Variants in TOP6BL observed in about 807,000 individuals in gnomAD.
TOP6BL encodes TOP6B like initiator of meiotic double strand breaks.
chr11:66,842,801 T>C, the TOP6BL span: 2 of 1,502,054 alleles, frequency 1.3e-6, no homozygotes, highest in Non-Finnish European at 1.8e-6. Flanking sequence ...AGGGTGCTCC[T>C]AGCACAGGGC....
the TOP6BL span, among the ~76,000 whole-genome samples, chr11:66,808,100 C>G: frequency 5.3e-5 from 8 of 152,242 alleles, no homozygotes; most frequent in African/African-American, 1.9e-4. Context: ...TCCCATGGTG[C>G]ATATGCACAC....
chr11:66,776,065 C>CT, the TOP6BL span, among the ~76,000 whole-genome samples: 320 of 145,408 alleles, frequency 2.2e-3, no homozygotes, highest in African/African-American at 3.5e-3. Context: ...TATATGGCTT[C>CT]TTTTTTTTTT....
chr11:66,843,290 C>A, the TOP6BL span: 5 of 1,587,516 alleles, frequency 3.1e-6, no homozygotes, highest in Non-Finnish European at 4.3e-6. Context: ...CAGCCGTTAT[C>A]CCGTGGTTTA....
chr11:66,790,100 G>A, the TOP6BL span, among the ~76,000 whole-genome samples: 5 of 151,936 alleles, frequency 3.3e-5, no homozygotes, highest in South Asian at 2.1e-4. Context: ...GTGAAATCCC[G>A]TCTCTACAAA....
chr11:66,794,103 C>A, the TOP6BL span, among the ~76,000 whole-genome samples: 7 of 141,470 alleles, frequency 4.9e-5, no homozygotes, highest in Non-Finnish European at 1.1e-4. Context: ...CAAAGCGAGA[C>A]CCTGTTTCTA....
the TOP6BL span, among the ~76,000 whole-genome samples, chr11:66,762,927 A>G: frequency 1.3e-5 from 2 of 152,262 alleles, no homozygotes; most frequent in Non-Finnish European, 2.9e-5. Context: ...GAGACAGGCC[A>G]GCTGAAGTGT....
the TOP6BL span, among the ~76,000 whole-genome samples, chr11:66,813,530 C>T: frequency 2.6e-5 from 4 of 152,024 alleles, no homozygotes; most frequent in Non-Finnish European, 4.4e-5. Context: ...GTCAAGAGAT[C>T]GAGACCATCC....
the TOP6BL span, among the ~76,000 whole-genome samples, chr11:66,793,381 C>G: frequency 2.0e-5 from 3 of 151,412 alleles, no homozygotes; most frequent in African/African-American, 7.3e-5. Context: ...GCATGAGCCA[C>G]TGTGCCCAGC....
the TOP6BL span, among the ~76,000 whole-genome samples, chr11:66,830,654 CA>C: frequency 6.6e-6 from 1 of 152,050 alleles, no homozygotes; most frequent in African/African-American, 2.4e-5. Context: ...CCAGACTAAT[CA>C]GAATAAAAAG....
chr11:66,811,290 T>C, the TOP6BL span, among the ~76,000 whole-genome samples: 1 of 152,244 alleles, frequency 6.6e-6, no homozygotes, highest in South Asian at 2.1e-4. Flanking sequence ...CCTGAAATGA[T>C]TTCTATCTCT....
the TOP6BL span, chr11:66,796,081 A>G: frequency 1.5e-5 from 8 of 534,382 alleles, no homozygotes; most frequent in Non-Finnish European, 2.4e-5. Flanking sequence ...AGTTCCGTGT[A>G]ATAGATACTC....
At chr11:66,768,429 TATC>T in the TOP6BL span, among the ~76,000 whole-genome samples, 4 of 152,124 alleles carry the variant, frequency 2.6e-5, no homozygotes, top group Non-Finnish European at 4.4e-5. Flanking sequence ...ACATAAGTGT[TATC>T]ATCATCTCTG....
the TOP6BL span, among the ~76,000 whole-genome samples, chr11:66,823,747 G>A: frequency 1.3e-5 from 2 of 152,170 alleles, no homozygotes; most frequent in Admixed American, 1.3e-4. Flanking sequence ...AACCCGGGAG[G>A]TGGAGGTTGC....
At chr11:66,782,500 C>T in the TOP6BL span, among the ~76,000 whole-genome samples, 694 of 152,260 alleles carry the variant, frequency 4.6e-3, no homozygotes, top group Middle Eastern at 0.024. Flanking sequence ...CAGGTACTTT[C>T]ACAACTCCAA....
At chr11:66,798,597 CAAAAAAAA>C in the TOP6BL span, among the ~76,000 whole-genome samples, 3 of 43,240 alleles carry the variant, frequency 6.9e-5, no homozygotes, top group Non-Finnish European at 9.5e-5. Flanking sequence ...GACTCTGTCT[CAAAAAAAA>C]AAAAAAAAAA....
the TOP6BL span, among the ~76,000 whole-genome samples, chr11:66,798,067 G>A: frequency 3.9e-5 from 6 of 152,110 alleles, no homozygotes; most frequent in Admixed American, 6.6e-5. Context: ...ATGGTACAGA[G>A]AGTAAATAAC....
At chr11:66,752,858 G>C in the TOP6BL span, among the ~76,000 whole-genome samples, 1 of 152,168 alleles carries the variant, frequency 6.6e-6, no homozygotes, top group Non-Finnish European at 1.5e-5. Context: ...GCCAGGCGCG[G>C]TGGCTCACGC....
the TOP6BL span, among the ~76,000 whole-genome samples, chr11:66,750,511 G>A: frequency 1.6e-3 from 247 of 152,108 alleles, 2 homozygotes; most frequent in Middle Eastern, 0.014. Context: ...TCGCACCACT[G>A]CACTCCAGCC....
the TOP6BL span, among the ~76,000 whole-genome samples, chr11:66,778,599 A>T: frequency 6.6e-6 from 1 of 152,188 alleles, no homozygotes; most frequent in South Asian, 2.1e-4. Flanking sequence ...AAGGTAATTA[A>T]TAGATTCAAT....
Sources: allele counts gnomAD v4.1 joint callset (sites outside exome capture counted in the v4.1 genomes callset), GRCh38; gene constraint gnomAD v4.1.1; transcripts MANE v1.5; gene names NCBI Gene and HGNC (gene_info 2026-07-23, HGNC 2026-07-21).